Variants in FRYL observed in about 807,000 individuals in gnomAD.
FRYL encodes the protein FRY like transcription coactivator.
FRYL carries 150 observed loss-of-function variants against 351.2 expected under a neutral mutation model. The observed-to-expected ratio is 0.43, with a 90% CI of 0.37 to 0.49. The LOEUF (loss-of-function observed/expected upper bound fraction) is 0.49, where lower values mean the gene tolerates loss of function less well. Among genes scored for constraint, FRYL ranks in the 20% least tolerant of loss-of-function variants. The probability of loss-of-function intolerance (pLI) is 0.00; values close to 1 mark genes in which losing one functional copy is unlikely to be tolerated. For synonymous variants in FRYL, 1,153 were observed against 1,257.1 expected (o/e 0.92, Z 1.75); for missense variants, 3,036 against 3,619.3 (o/e 0.84, Z 4.13).
intron 7 of FRYL, among the ~76,000 whole-genome samples, chr4:48,614,469 C>T (rs1748923356): frequency 6.6e-6 from 1 of 152,124 alleles, no homozygotes; most frequent in Non-Finnish European, 1.5e-5. Flanking sequence ...CGCCTGTAAT[C>T]CCTGCACTTT....
intron 4 of FRYL, among the ~76,000 whole-genome samples, chr4:48,633,916 T>G (rs1452805923): frequency 6.6e-6 from 1 of 152,162 alleles, no homozygotes; most frequent in African/African-American, 2.4e-5. Flanking sequence ...TCCCTCCTCC[T>G]CATCATGGGC....
intron 19 of FRYL, among the ~76,000 whole-genome samples, chr4:48,585,017 C>T (rs536141500): frequency 1.3e-5 from 2 of 152,246 alleles, no homozygotes; most frequent in African/African-American, 4.8e-5. Context: ...TTTTACTAGG[C>T]TTTCCCATCC....
intron 60 of FRYL, among the ~76,000 whole-genome samples, chr4:48,503,593 G>C (rs529337077): frequency 1.2e-3 from 182 of 152,308 alleles, no homozygotes; most frequent in African/African-American, 4.3e-3. Flanking sequence ...CTCTTACGAG[G>C]AGAATGACTT....
At chr4:48,511,333 T>C (rs1345282824) in intron 57 of FRYL, among the ~76,000 whole-genome samples, 1 of 152,206 alleles carries the variant, frequency 6.6e-6, no homozygotes, top group Non-Finnish European at 1.5e-5. Flanking sequence ...CAAAAGTTAT[T>C]ACCTGAAAGA....
chr4:48,671,524 G>A (rs1029088284), intron 3 of FRYL, among the ~76,000 whole-genome samples: 67 of 152,054 alleles, frequency 4.4e-4, no homozygotes, highest in African/African-American at 1.5e-3. Flanking sequence ...AAAATTAGCT[G>A]GGTGTGATAG....
At chr4:48,536,534 A>G (rs574574693) in intron 47 of FRYL, among the ~76,000 whole-genome samples, 4 of 152,274 alleles carry the variant, frequency 2.6e-5, no homozygotes, top group East Asian at 3.9e-4. Flanking sequence ...TTTGGGGGGA[A>G]TTTTACTGAC....
chr4:48,501,823 GTTTATT>G, intron 61 of FRYL, 90 bp from the exon 62 acceptor site: 1 of 844,120 alleles, frequency 1.2e-6, no homozygotes, highest in East Asian at 2.5e-5. Context: ...TTGTCTTGTC[GTTTATT>G]TTTCTGCAGT....
At chr4:48,654,298 C>CAA (rs34418324) in intron 3 of FRYL, among the ~76,000 whole-genome samples, 51 of 123,684 alleles carry the variant, frequency 4.1e-4, no homozygotes, top group African/African-American at 9.4e-4. Flanking sequence ...AATAGCTGAT[C>CAA]AAAAAAAAAA....
chr4:48,709,576 G>T (rs1270985227), intron 2 of FRYL, among the ~76,000 whole-genome samples: 1 of 151,974 alleles, frequency 6.6e-6, no homozygotes, highest in Non-Finnish European at 1.5e-5. Flanking sequence ...GATAGGTTAG[G>T]GAAGAAAACA....
At chr4:48,579,272 A>C in intron 22 of FRYL, 31 bp from the exon 23 acceptor site, 1 of 1,533,320 alleles carries the variant, frequency 6.5e-7, no homozygotes, top group Non-Finnish European at 8.8e-7. Flanking sequence ...TGATTATTAC[A>C]CATTTCAATA....
rs33926702 is a variant in FRYL, at chr4:48,772,679, CAAAAAAAAAAAAAAAA to C, written c.-384+7383_-384+7398del. Among the ~76,000 whole-genome samples the C allele has an allele frequency of 8.0e-5, 4 of 50,296 alleles. No individual in the cohort carries two copies. In the South Asian group the frequency reaches 5.0e-3, roughly 63 times the overall value. 33.0% of individuals were successfully genotyped at this position (50,296 alleles called of 152,430 possible). On this transcript the variant is annotated intron_variant, in intron 1 of 63. Coordinates refer to ENST00000358350, the MANE Select transcript of FRYL (RefSeq NM_015030.2). Reference sequence around the variant, plus strand: ...CTTACCCTGAAATGAAGAGACCTACCAAAAAAAAAAAAAAAAAAAAAAAAAGCAGAACAAAACAAGA... The same window carrying C: ...CTTACCCTGAAATGAAGAGACCTACCAAAAAAAAAGCAGAACAAAACAAGA...
At chr4:48,594,977 C>A (rs1744302810) in intron 15 of FRYL, among the ~76,000 whole-genome samples, 1 of 152,148 alleles carries the variant, frequency 6.6e-6, no homozygotes, top group South Asian at 2.1e-4. Context: ...TAATTTAAAC[C>A]CTGCCAAGTG....
intron 1 of FRYL, among the ~76,000 whole-genome samples, chr4:48,761,003 CTG>C (rs202244146): frequency 4.1e-5 from 5 of 121,610 alleles, no homozygotes; most frequent in African/African-American, 1.3e-4. Context: ...TATTATTACT[CTG>C]TCTGTGTGTG....
intron 33 of FRYL, among the ~76,000 whole-genome samples, chr4:48,559,189 T>C (rs1295710746): frequency 6.6e-6 from 1 of 152,146 alleles, no homozygotes; most frequent in Non-Finnish European, 1.5e-5. Context: ...TGCTCAACCT[T>C]AACCTTCTAC....
chr4:48,535,622 T>A, intron 48 of FRYL, 35 bp downstream of exon 48: 1 of 1,098,012 alleles, frequency 9.1e-7, no homozygotes, highest in Admixed American at 2.5e-5. Flanking sequence ...CACATATATA[T>A]ATAGTAAATA....
At position 48,564,094 on chromosome 4, in the gene FRYL, C is replaced by T. The variant is rs759336123; in HGVS notation, c.3450G>A (p.Gln1150=). ...ILDSLDKKVH[Q]LGCEAVTLLL... ...ACAACGTAACTGCTTCACAGCCCAG[C>T]TGGTGAACCTAGGTAAAGGTTGTGA... The change falls in exon 31 of 64, where the codon CAG becomes CAA. Residue 1150 remains glutamine (Q), a synonymous_variant. Coordinates refer to ENST00000358350, the MANE Select transcript of FRYL (RefSeq NM_015030.2). The T allele has an allele frequency of 6.2e-7, 1 of 1,613,454 alleles. No individual in the cohort carries two copies. Among genetic ancestry groups the T allele is most frequent in the Admixed American group, 1.7e-5 (1 of 59,796 alleles).
At chr4:48,736,866 A>AAG (rs1405276612) in intron 1 of FRYL, among the ~76,000 whole-genome samples, 2 of 150,338 alleles carry the variant, frequency 1.3e-5, no homozygotes, top group African/African-American at 2.4e-5. Context: ...AAAAAAAAAA[A>AAG]AAAAGAAAAA....
intron 7 of FRYL, among the ~76,000 whole-genome samples, chr4:48,614,721 C>CAAA (rs1161734085): frequency 0.48 from 22,704 of 47,036 alleles, 8,857 homozygotes; most frequent in African/African-American, 0.61. Flanking sequence ...GACTCCATCT[C>CAAA]AAAAAAAAAA....
At chr4:48,583,208 G>C (rs1741296130) in intron 19 of FRYL, among the ~76,000 whole-genome samples, 1 of 151,468 alleles carries the variant, frequency 6.6e-6, no homozygotes, top group Non-Finnish European at 1.5e-5. Flanking sequence ...CTGGAGTGCA[G>C]CGGCATGATC....
Sources: allele counts gnomAD v4.1 joint callset (sites outside exome capture counted in the v4.1 genomes callset), GRCh38; gene constraint gnomAD v4.1.1; transcripts MANE v1.5; gene names NCBI Gene and HGNC (gene_info 2026-07-23, HGNC 2026-07-21).